Variants in USP32 observed in about 807,000 individuals in gnomAD.
USP32 encodes the protein ubiquitin specific peptidase 32, also known as ubiquitin carboxyl-terminal hydrolase 32.
In USP32, 59 loss-of-function variants were observed where a neutral mutation model predicts 204.8. The observed-to-expected ratio is 0.29, with a 90% CI of 0.23 to 0.36. The LOEUF (loss-of-function observed/expected upper bound fraction) is 0.36. Ranked by LOEUF, USP32 falls within the 10% of genes least tolerant of loss-of-function variation. USP32 has a pLI of 1.00. For missense variants in USP32, 1,160 were observed against 1,946.4 expected, an observed-to-expected ratio of 0.60 and a Z score of 7.60; for synonymous variants, 517 against 678.4, an observed-to-expected ratio of 0.76 and a Z score of 3.70.
intron 1 of USP32, among the ~76,000 whole-genome samples, chr17:60,418,406 T>G (rs1053748169): frequency 6.6e-6 from 1 of 151,498 alleles, no homozygotes; most frequent in Non-Finnish European, 1.5e-5. Context: ...GTTTTTTTTT[T>G]TTTTTTTTTT....
At chr17:60,390,833 G>GT (rs1307943516) in intron 1 of USP32, among the ~76,000 whole-genome samples, 2 of 151,966 alleles carry the variant, frequency 1.3e-5, no homozygotes, top group African/African-American at 2.4e-5. Flanking sequence ...TCTTCTTAAT[G>GT]TTTTTTCACT....
intron 6 of USP32, among the ~76,000 whole-genome samples, chr17:60,269,922 A>G (rs2086686097): frequency 6.6e-6 from 1 of 152,160 alleles, no homozygotes; most frequent in African/African-American, 2.4e-5. Context: ...AAGAAGAAAA[A>G]GGGAAAAAAG....
intron 26 of USP32, 87 bp downstream of exon 26, chr17:60,205,360 A>G (rs376436759): frequency 6.7e-7 from 1 of 1,491,844 alleles, no homozygotes; most frequent in Non-Finnish European, 8.9e-7. Flanking sequence ...AAGAAAATAC[A>G]TTCAATGATG....
At chr17:60,265,751 A>G (rs1173800407) in intron 8 of USP32, among the ~76,000 whole-genome samples, 1 of 152,230 alleles carries the variant, frequency 6.6e-6, no homozygotes. Context: ...TTAAAAATTA[A>G]GATAACTTTC....
At chr17:60,366,168 CTTTTTTT>C (rs953208013) in intron 1 of USP32, among the ~76,000 whole-genome samples, 7 of 146,770 alleles carry the variant, frequency 4.8e-5, no homozygotes, top group African/African-American at 1.8e-4. Context: ...TTTCTTTTTT[CTTTTTTT>C]TGAGACGGAG....
intron 13 of USP32, among the ~76,000 whole-genome samples, chr17:60,224,899 T>C (rs1273242573): frequency 6.6e-6 from 1 of 152,164 alleles, no homozygotes; most frequent in Non-Finnish European, 1.5e-5. Flanking sequence ...ATCTTCCTTG[T>C]AGGTGTGGAA....
rs1265276330 is a variant in USP32, at chr17:60,242,601, G to C, written c.1137-6361C>G. Among the ~76,000 whole-genome samples, 4 of 152,178 alleles carry C rather than the reference G, an allele frequency of 2.6e-5. No individual in the cohort carries two copies. The East Asian group carries it at 7.7e-4, about 29-fold the overall frequency. ...AATTTTTGTGTTTTTAGTAGAGATAGGGTTTCGCCATGTTGGCCAGGCTGA... is the reference window on the plus strand; with the variant it reads ...AATTTTTGTGTTTTTAGTAGAGATACGGTTTCGCCATGTTGGCCAGGCTGA... On this transcript the variant is annotated intron_variant, in intron 11 of 33. Transcript: ENST00000300896.
intron 1 of USP32, among the ~76,000 whole-genome samples, chr17:60,369,345 A>G (rs2089392094): frequency 6.7e-6 from 1 of 150,174 alleles, no homozygotes; most frequent in Non-Finnish European, 1.5e-5. Flanking sequence ...AATCCCAGCT[A>G]CTTGGGAGGC....
At chr17:60,416,261 C>T (rs1598325735) in intron 1 of USP32, among the ~76,000 whole-genome samples, 5 of 152,090 alleles carry the variant, frequency 3.3e-5, no homozygotes, top group Admixed American at 6.6e-5. Flanking sequence ...TGAGGGAAAG[C>T]GTAAGCAGTA....
intron 11 of USP32, among the ~76,000 whole-genome samples, chr17:60,237,152 A>G (rs1051572643): frequency 1.3e-5 from 2 of 151,180 alleles, no homozygotes; most frequent in Non-Finnish European, 2.9e-5. Flanking sequence ...CTATCTATCT[A>G]TCTATCTATC....
intron 4 of USP32, among the ~76,000 whole-genome samples, chr17:60,294,455 C>CT (rs2093434297): frequency 6.6e-6 from 1 of 151,010 alleles, no homozygotes; most frequent in African/African-American, 2.5e-5. Flanking sequence ...TCATTATACT[C>CT]TAAGTATGAA....
intron 16 of USP32, among the ~76,000 whole-genome samples, chr17:60,219,062 A>C: frequency 6.6e-6 from 1 of 152,174 alleles, no homozygotes; most frequent in Non-Finnish European, 1.5e-5. Flanking sequence ...GATAGGCTTG[A>C]TGTTTTTTCA....
In USP32 at chr17:60,262,317, G is replaced by A. The variant is rs373005384; in HGVS notation, c.990+3095C>T. Among the ~76,000 whole-genome samples the A allele has an allele frequency of 1.3e-3, 201 of 152,204 alleles. 1 individual carries two copies. Among genetic ancestry groups the A allele is most frequent in the African/African-American group, 4.5e-3 (188 of 41,542 alleles). ...AGCAAAGCTCCTGCGTCAGCCTCCT[G>A]AGTAGCTGGAATTACAGATGCCCAA... is the stretch of plus-strand genomic sequence containing the variant. On this transcript the variant is annotated intron_variant, in intron 9 of 33. Coordinates refer to ENST00000300896, the MANE Select transcript of USP32 (RefSeq NM_032582.4).
At chr17:60,394,339 T>A (rs950442545), upstream of USP32, among the ~76,000 whole-genome samples, 2 of 152,294 alleles carry the variant, frequency 1.3e-5, no homozygotes, top group Non-Finnish European at 1.5e-5. Context: ...ATACTACTAT[T>A]ATTACTGTCC....
chr17:60,228,276 A>C (rs2085448878), intron 12 of USP32, among the ~76,000 whole-genome samples: 1 of 152,138 alleles, frequency 6.6e-6, no homozygotes, highest in African/African-American at 2.4e-5. Flanking sequence ...TTGGCCTCCC[A>C]GTGTGCTGGG....
rs2087646320 is a variant in USP32, at chr17:60,303,702, TG to T, written c.187-1999del. On this transcript the variant is annotated intron_variant, in intron 2 of 33. Transcript: ENST00000300896. ...TCTTCTGTCCTATATGAAGCACTTATGTTTCAACCATAAATTTTAAGTCACA... is the reference window on the plus strand; with the variant it reads ...TCTTCTGTCCTATATGAAGCACTTATTTTCAACCATAAATTTTAAGTCACA... 4.6e-5 allele frequency among the ~76,000 whole-genome samples: 7 copies of T among 152,308 alleles called. No homozygotes were observed. In the South Asian group the frequency reaches 1.5e-3, roughly 32 times the overall value.
rs2084026955 is a variant in USP32, at chr17:60,178,699, G to A, written c.*556C>T. On this transcript the variant is annotated 3_prime_UTR_variant, in exon 34 of 34. Transcript: ENST00000300896. Reference sequence around the variant, plus strand: ...ACAAAAAGCAAGAAAGACAAAGAAAGGGTATGGAAACAGTTTAAAAAATAA... The same window carrying A: ...ACAAAAAGCAAGAAAGACAAAGAAAAGGTATGGAAACAGTTTAAAAAATAA... Among the ~76,000 whole-genome samples the A allele has an allele frequency of 1.3e-5, 2 of 152,202 alleles. No homozygotes were observed. The highest frequency in any genetic ancestry group is 6.5e-5 in the Admixed American group (1 of 15,280).
intron 5 of USP32, among the ~76,000 whole-genome samples, chr17:60,287,715 G>C (rs1177465822): frequency 6.6e-6 from 1 of 151,936 alleles, no homozygotes; most frequent in Non-Finnish European, 1.5e-5. Context: ...AGCAACCCTA[G>C]GAAACTAATA....
At chr17:60,331,323 TGGGAGGCCAAGGCA>T (rs1390540476) in intron 2 of USP32, among the ~76,000 whole-genome samples, 1 of 152,222 alleles carries the variant, frequency 6.6e-6, no homozygotes, top group Non-Finnish European at 1.5e-5. Context: ...CCCAGCACTT[TGGGAGGCCAAGGCA>T]GGCGGACTGC....
Sources: allele counts gnomAD v4.1 joint callset (sites outside exome capture counted in the v4.1 genomes callset), GRCh38; gene constraint gnomAD v4.1.1; transcripts MANE v1.5; gene names NCBI Gene and HGNC (gene_info 2026-07-23, HGNC 2026-07-21).